The following GNAQ variants were observed in gnomAD, a reference collection of about 807,000 sequenced individuals.
The protein encoded by GNAQ is G protein subunit alpha q, also known as guanine nucleotide-binding protein G(q) subunit alpha.
GNAQ carries 8 observed loss-of-function variants against 43.9 expected under a neutral mutation model. The ratio of observed to expected loss-of-function variants is 0.18; its 90% CI spans 0.11 to 0.33. GNAQ has a LOEUF of 0.33. GNAQ is among the 10% of genes least tolerant of loss of function. The pLI is 1.00. For missense variants in GNAQ, 158 were observed against 450.8 expected, an observed-to-expected ratio of 0.35 and a Z score of 5.88; for synonymous variants, 155 against 170.7, an observed-to-expected ratio of 0.91 and a Z score of 0.71.
chr9:78,006,348 T>A (rs1230231354), intron 1 of GNAQ, among the ~76,000 whole-genome samples: 1 of 152,102 alleles, frequency 6.6e-6, no homozygotes, highest in Non-Finnish European at 1.5e-5. Context: ...CCCCATAAGA[T>A]CTCAATTCAG....
rs568258204 is a variant in GNAQ at position 77,744,097 on chromosome 9, C to T, written c.736-15430G>A. On this transcript the variant is annotated intron_variant, in intron 5 of 6. Coordinates refer to ENST00000286548, the MANE Select transcript of GNAQ (RefSeq NM_002072.5). Reference sequence around the variant, plus strand: ...GAGACCATCTTGCCATTCCATATTTCGGATACAGACTGCCATTCTCTTAGT... The same window carrying T: ...GAGACCATCTTGCCATTCCATATTTTGGATACAGACTGCCATTCTCTTAGT... 5.9e-5 allele frequency among the ~76,000 whole-genome samples: 9 copies of T among 152,298 alleles called. No homozygotes were observed. In the East Asian group the frequency reaches 9.6e-4, roughly 16 times the overall value.
chr9:77,793,774 C>T (rs564811972), intron 5 of GNAQ, among the ~76,000 whole-genome samples: 3 of 152,156 alleles, frequency 2.0e-5, no homozygotes, highest in South Asian at 2.1e-4. Context: ...ATTCCATAAT[C>T]GATTCATCGT....
intron 5 of GNAQ, among the ~76,000 whole-genome samples, chr9:77,792,741 CCT>C (rs1446684592): frequency 9.9e-5 from 15 of 152,088 alleles, no homozygotes; most frequent in African/African-American, 3.1e-4. Flanking sequence ...CACTTGTCCT[CCT>C]CTAGCTATAA....
At chr9:77,945,180 T>TC (rs1822871127) in intron 1 of GNAQ, among the ~76,000 whole-genome samples, 1 of 152,216 alleles carries the variant, frequency 6.6e-6, no homozygotes, top group Non-Finnish European at 1.5e-5. Flanking sequence ...TAACTGGGGA[T>TC]CATCCATCAG....
chr9:77,911,242 A>T (rs553716659), intron 2 of GNAQ, among the ~76,000 whole-genome samples: 91 of 152,348 alleles, frequency 6.0e-4, no homozygotes, highest in African/African-American at 2.2e-3. Context: ...AACATTATGC[A>T]AAGACAGTCA....
At chr9:77,804,560 C>G (rs1826795251) in intron 3 of GNAQ, among the ~76,000 whole-genome samples, 1 of 152,134 alleles carries the variant, frequency 6.6e-6, no homozygotes, top group Non-Finnish European at 1.5e-5. Flanking sequence ...CCTCAGTAAT[C>G]ACACCAAAAG....
intron 5 of GNAQ, among the ~76,000 whole-genome samples, chr9:77,762,765 C>T (rs1341791096): frequency 6.6e-6 from 1 of 152,190 alleles, no homozygotes; most frequent in East Asian, 1.9e-4. Flanking sequence ...AAAGATTCTT[C>T]TGCCTTGGGA....
At chr9:78,030,879 G>A (rs1313036365) in intron 1 of GNAQ, among the ~76,000 whole-genome samples, 1 of 132,508 alleles carries the variant, frequency 7.5e-6, no homozygotes, top group African/African-American at 3.1e-5. Flanking sequence ...TGCTGCGTGT[G>A]TGTGTCGCTG....
intron 1 of GNAQ, among the ~76,000 whole-genome samples, chr9:77,945,047 C>A (rs982772344): frequency 5.3e-5 from 8 of 152,144 alleles, no homozygotes; most frequent in African/African-American, 1.9e-4. Flanking sequence ...AGTCTGTCTT[C>A]ACAGTGCAAC....
At chr9:77,985,244 C>T (rs568032869) in intron 1 of GNAQ, among the ~76,000 whole-genome samples, 6 of 152,220 alleles carry the variant, frequency 3.9e-5, no homozygotes, top group Non-Finnish European at 5.9e-5. Context: ...ACCCAGGAGG[C>T]GGAGCTTGCA....
intron 6 of GNAQ, among the ~76,000 whole-genome samples, chr9:77,728,218 C>T (rs1825430166): frequency 6.6e-6 from 1 of 152,136 alleles, no homozygotes; most frequent in East Asian, 1.9e-4. Context: ...TGGTCTCGAT[C>T]GCTTGACCTC....
intron 1 of GNAQ, among the ~76,000 whole-genome samples, chr9:77,997,659 AC>A (rs1214162151): frequency 1.3e-5 from 2 of 152,120 alleles, no homozygotes. Flanking sequence ...CTGCTCCGCC[AC>A]ATCAATAAAT....
intron 2 of GNAQ, among the ~76,000 whole-genome samples, chr9:77,853,697 A>G (rs1163903283): frequency 6.7e-6 from 1 of 149,972 alleles, no homozygotes; most frequent in Non-Finnish European, 1.5e-5. Context: ...TGCTGTACGT[A>G]ATAGAGAACA....
intron 2 of GNAQ, among the ~76,000 whole-genome samples, chr9:77,879,433 AT>A (rs1828177371): frequency 6.6e-6 from 1 of 151,950 alleles, no homozygotes; most frequent in South Asian, 2.1e-4. Context: ...CCAGCTTTGT[AT>A]TTTTAGTACA....
At chr9:77,995,847 A>T (rs1045242026) in intron 1 of GNAQ, among the ~76,000 whole-genome samples, 3 of 152,206 alleles carry the variant, frequency 2.0e-5, no homozygotes, top group African/African-American at 7.2e-5. Flanking sequence ...AGAATTCATT[A>T]GACACTTCAG....
chr9:77,834,252 C>T (rs1054987980), intron 2 of GNAQ, among the ~76,000 whole-genome samples: 1 of 152,186 alleles, frequency 6.6e-6, no homozygotes, highest in Non-Finnish European at 1.5e-5. Flanking sequence ...TGCACTTCCT[C>T]ATCTTTGTTC....
At chr9:77,949,182 T>TA (rs1170847706) in intron 1 of GNAQ, among the ~76,000 whole-genome samples, 2 of 152,028 alleles carry the variant, frequency 1.3e-5, no homozygotes, top group African/African-American at 2.4e-5. Flanking sequence ...GCAAAACTGG[T>TA]ATGTGAACCC....
intron 1 of GNAQ, among the ~76,000 whole-genome samples, chr9:77,983,221 A>C (rs1037866413): frequency 6.6e-6 from 1 of 152,216 alleles, no homozygotes; most frequent in African/African-American, 2.4e-5. Context: ...GTGCATGGTG[A>C]TAACATTTAC....
chr9:77,767,190 C>A (rs1826150593), intron 5 of GNAQ, among the ~76,000 whole-genome samples: 1 of 152,070 alleles, frequency 6.6e-6, no homozygotes, highest in Admixed American at 6.6e-5. Flanking sequence ...CTCTAGGTTC[C>A]CCCAAAGCAG....
Sources: allele counts gnomAD v4.1 joint callset (sites outside exome capture counted in the v4.1 genomes callset), GRCh38; gene constraint gnomAD v4.1.1; transcripts MANE v1.5; gene names NCBI Gene and HGNC (gene_info 2026-07-23, HGNC 2026-07-21).